PCDHGB7: variants seen among roughly 807,000 people sequenced by gnomAD.
PCDHGB7 encodes protocadherin gamma-B7.
In PCDHGB7, 37 loss-of-function variants were observed where a neutral mutation model predicts 61.4. The observed-to-expected ratio is 0.60, with a 90% CI of 0.46 to 0.79. The LOEUF is 0.79. Ranked by LOEUF, PCDHGB7 falls within the 30% of genes least tolerant of loss-of-function variation. The pLI is 0.00. For missense variants in PCDHGB7, 1,166 were observed against 1,202.5 expected, an observed-to-expected ratio of 0.97 and a Z score of 0.45; for synonymous variants, 464 against 503.5, an observed-to-expected ratio of 0.92 and a Z score of 1.05.
intron 1 of PCDHGB7, chr5:141,478,636 T>G: frequency 1.3e-6 from 2 of 1,552,744 alleles, no homozygotes; most frequent in South Asian, 2.4e-5. Flanking sequence ...TTTTTAGTGA[T>G]GAAGATGTTT....
chr5:141,457,149 G>A (rs1016628234), intron 1 of PCDHGB7, among the ~76,000 whole-genome samples: 6 of 152,180 alleles, frequency 3.9e-5, no homozygotes, highest in African/African-American at 1.4e-4. Flanking sequence ...TCAGTTAGAA[G>A]GTGCTACCAT....
chr5:141,494,782 C>T, intron 1 of PCDHGB7, 25 bp from the exon 2 acceptor site: 1 of 1,614,110 alleles, frequency 6.2e-7, no homozygotes. Context: ...GGTACTCAGC[C>T]CCTTTCCCTC....
chr5:141,438,627 T>TATAC (rs2098031123), intron 1 of PCDHGB7, among the ~76,000 whole-genome samples: 4 of 48,012 alleles, frequency 8.3e-5, no homozygotes, highest in Admixed American at 6.2e-4. Flanking sequence ...TATATATATA[T>TATAC]ATATATATAC....
At chr5:141,508,983 C>T (rs532410967) in intron 3 of PCDHGB7, among the ~76,000 whole-genome samples, 44 of 152,148 alleles carry the variant, frequency 2.9e-4, no homozygotes, top group Non-Finnish European at 4.4e-4. Flanking sequence ...GGGGTGGGGG[C>T]CAGCTGGGGT....
At chr5:141,505,977 G>A (rs944259753) in intron 3 of PCDHGB7, among the ~76,000 whole-genome samples, 1 of 152,150 alleles carries the variant, frequency 6.6e-6, no homozygotes, top group East Asian at 1.9e-4. Flanking sequence ...CCAGCCGAGA[G>A]AACACCTCCT....
chr5:141,423,184 C>G (rs747938944), intron 1 of PCDHGB7: 3 of 1,613,560 alleles, frequency 1.9e-6, no homozygotes, highest in Non-Finnish European at 2.5e-6. Context: ...CCACGGCCAG[C>G]CCCCTCTCTC....
chr5:141,432,715 C>T lies in PCDHGB7; in HGVS notation c.2415+12441C>T. 1 of 1,613,996 alleles carries T rather than the reference C, an allele frequency of 6.2e-7. No individual in the cohort carries two copies. The highest frequency in any genetic ancestry group is 8.5e-7 in the Non-Finnish European group (1 of 1,179,970). ...TGGCCGTCCAGGACCACGGCCAGCC[C>T]CCTCTCTCCGCCACTGTCACGCTCA... On this transcript the variant is annotated intron_variant, in intron 1 of 3. Transcript: ENST00000398594. This position sits in a 1 kb window ranked among gnomAD's most constrained non-coding sequence, Gnocchi z 6.0.
At chr5:141,445,364 C>T (rs1374418361) in intron 1 of PCDHGB7, among the ~76,000 whole-genome samples, 1 of 152,158 alleles carries the variant, frequency 6.6e-6, no homozygotes, top group African/African-American at 2.4e-5. Flanking sequence ...CAAGTCTGGT[C>T]CTGGGTGGTT....
Position 141,431,132 on chromosome 5 carries a change from G to A in PCDHGB7, c.2415+10858G>A. On this transcript the variant is annotated intron_variant, in intron 1 of 3. Coordinates refer to ENST00000398594, the MANE Select transcript of PCDHGB7 (RefSeq NM_018927.4). This position sits in a 1 kb window ranked among gnomAD's most constrained non-coding sequence, Gnocchi z 4.8. ...ATATGGAGTAGAAGTAGAAGTAAGGGACATTAACGACAATGCGCCTTACTT... is the reference window on the plus strand; with the variant it reads ...ATATGGAGTAGAAGTAGAAGTAAGGAACATTAACGACAATGCGCCTTACTT... 2 of 1,614,232 alleles carry A rather than the reference G, an allele frequency of 1.2e-6. No individual in the cohort carries two copies. The highest frequency in any genetic ancestry group is 8.5e-7 in the Non-Finnish European group (1 of 1,180,024).
Position 141,490,157 on chromosome 5 carries a change from G to T in PCDHGB7, c.2416-4650G>T. 1 of 1,614,210 alleles carries T rather than the reference G, an allele frequency of 6.2e-7. No homozygotes were observed. The highest frequency in any genetic ancestry group is 8.5e-7 in the Non-Finnish European group (1 of 1,180,038). On this transcript the variant is annotated intron_variant, in intron 1 of 3. Transcript: ENST00000398594. This position sits in a 1 kb window ranked among gnomAD's most constrained non-coding sequence, Gnocchi z 5.4. ...AGCAGTGGGGCAATCCATGTGTTGGGTCCCATAGACTTTGAGGAGTCACGT... is the reference window on the plus strand; with the variant it reads ...AGCAGTGGGGCAATCCATGTGTTGGTTCCCATAGACTTTGAGGAGTCACGT...
At chr5:141,478,528 G>A (rs1013766552) in intron 1 of PCDHGB7, 1 of 1,609,730 alleles carries the variant, frequency 6.2e-7, no homozygotes, top group Non-Finnish European at 8.5e-7. Context: ...TGGGTGCAGA[G>A]AGCGCCCCTC....
In PCDHGB7 at chr5:141,494,886, C is replaced by T. The variant is rs1212594477; in HGVS notation, c.2474+21C>T. ...AGCGGGTAGGTGACTGATTCTCCAG[C>T]CCACCCTCTTCTCTGCGGCATTTTC... On this transcript the variant is annotated intron_variant, in intron 2 of 3. Coordinates refer to ENST00000398594, the MANE Select transcript of PCDHGB7 (RefSeq NM_018927.4). 8 of 1,614,010 alleles carry T rather than the reference C, an allele frequency of 5.0e-6. No homozygotes were observed. The Admixed American group carries it at 8.3e-5, about 17-fold the overall frequency.
chr5:141,477,037 G>A lies in PCDHGB7; in HGVS notation c.2416-17770G>A. ...TTGTAACCGGGATGCTGACAATCAAGGGTCGGCTGGACTTCGAGGACACCA... is the reference window on the plus strand; with the variant it reads ...TTGTAACCGGGATGCTGACAATCAAAGGTCGGCTGGACTTCGAGGACACCA... On this transcript the variant is annotated intron_variant, in intron 1 of 3. Coordinates refer to ENST00000398594, the MANE Select transcript of PCDHGB7 (RefSeq NM_018927.4). This position sits in a 1 kb window ranked among gnomAD's most constrained non-coding sequence, Gnocchi z 4.9. 6.2e-7 allele frequency: 1 copy of A among 1,614,266 alleles called. No individual in the cohort carries two copies. The highest frequency in any genetic ancestry group is 8.5e-7 in the Non-Finnish European group (1 of 1,180,052).
chr5:141,422,543 T>C lies in PCDHGB7; in HGVS notation c.2415+2269T>C, dbSNP rs2096655736. 1 of 1,613,882 alleles carries C rather than the reference T, an allele frequency of 6.2e-7. No homozygotes were observed. Among genetic ancestry groups the C allele is most frequent in the African/African-American group, 1.3e-5 (1 of 74,928 alleles). Reference sequence around the variant, plus strand: ...CCGCCTTTGTCTGCAGAAACTCATGTCTGGCTGAATGTGGCAGATGACAAC... The same window carrying C: ...CCGCCTTTGTCTGCAGAAACTCATGCCTGGCTGAATGTGGCAGATGACAAC... On this transcript the variant is annotated intron_variant, in intron 1 of 3. Coordinates refer to ENST00000398594, the MANE Select transcript of PCDHGB7 (RefSeq NM_018927.4).
intron 1 of PCDHGB7, among the ~76,000 whole-genome samples, chr5:141,466,436 G>A (rs181613158): frequency 1.3e-5 from 2 of 152,270 alleles, no homozygotes; most frequent in East Asian, 1.9e-4. Context: ...AAGCTGAACC[G>A]AGATGTCTAT....
At position 141,485,729 on chromosome 5, in the gene PCDHGB7, A is replaced by G. The variant is rs2099618322; in HGVS notation, c.2416-9078A>G. 6.2e-7 allele frequency: 1 copy of G among 1,614,092 alleles called. No individual in the cohort carries two copies. The highest frequency in any genetic ancestry group is 1.1e-5 in the South Asian group (1 of 91,094). ...CTTTGCACTGGATGTGAAGAAGCGCAGCGACGGCAGCCTGGTCCCAGAGCT... is the reference window on the plus strand; with the variant it reads ...CTTTGCACTGGATGTGAAGAAGCGCGGCGACGGCAGCCTGGTCCCAGAGCT... On this transcript the variant is annotated intron_variant, in intron 1 of 3. Coordinates refer to ENST00000398594, the MANE Select transcript of PCDHGB7 (RefSeq NM_018927.4). This position sits in a 1 kb window ranked among gnomAD's most constrained non-coding sequence, Gnocchi z 5.7.
Position 141,494,808 on chromosome 5 carries a change from A to G in PCDHGB7, c.2417A>G (p.Gln806Arg). The G allele has an allele frequency of 1.9e-6, 3 of 1,614,014 alleles. No individual in the cohort carries two copies. Among genetic ancestry groups the G allele is most frequent in the Non-Finnish European group, 2.5e-6 (3 of 1,179,982 alleles). The change falls in exon 2 of 4, where the codon CAA becomes CGA. Residue 806 changes from glutamine to arginine, a missense_variant and splice_region_variant. Gln to Arg is a conservative substitution (Grantham distance 43, BLOSUM62 1). Coordinates refer to ENST00000398594, the MANE Select transcript of PCDHGB7 (RefSeq NM_018927.4). ...CCTTTCCCTCTGTTTTCTCCACAGC[A>G]AGCCCCGCCCAACACGGACTGGCGT... ...VEADKKILKQ[Q>R]APPNTDWRFS...
chr5:141,418,973 C>T lies in PCDHGB7; in HGVS notation c.1114C>T (p.Arg372Trp). 3.1e-6 allele frequency: 5 copies of T among 1,613,916 alleles called. No homozygotes were observed. Among genetic ancestry groups the T allele is most frequent in the Non-Finnish European group, 3.4e-6 (4 of 1,179,862 alleles). Reference sequence around the variant, plus strand: ...AGTGGTTGTTGCCCTCTTCAAAACACGGGACCAAGACTCAGGGGAAAATGG... The same window carrying T: ...AGTGGTTGTTGCCCTCTTCAAAACATGGGACCAAGACTCAGGGGAAAATGG... The part of the protein sequence containing the change: ...PGVVVALFKT[R>W]DQDSGENGEV... The change falls in exon 1 of 4, where the codon CGG becomes TGG. Residue 372 changes from arginine to tryptophan, a missense_variant. Physicochemically the swap from Arg to Trp is moderately radical, Grantham distance 101 (BLOSUM62 -3). Coordinates refer to ENST00000398594, the MANE Select transcript of PCDHGB7 (RefSeq NM_018927.4).
Position 141,476,301 on chromosome 5 carries a change from C to T in PCDHGB7, c.2416-18506C>T. On this transcript the variant is annotated intron_variant, in intron 1 of 3. Transcript: ENST00000398594. The surrounding 1 kb of genome is among the most constrained non-coding windows in gnomAD (Gnocchi z 7.6). ...CTTGGTTTGGATCTCGGTAGCCTCT[C>T]AGCCCGCAGGTTCCGGGTGGTGTCT... is the stretch of plus-strand genomic sequence containing the variant. The T allele has an allele frequency of 1.9e-6, 3 of 1,613,778 alleles. No homozygotes were observed. The highest frequency in any genetic ancestry group is 2.5e-6 in the Non-Finnish European group (3 of 1,179,908).
Sources: allele counts gnomAD v4.1 joint callset (sites outside exome capture counted in the v4.1 genomes callset), GRCh38; gene constraint gnomAD v4.1.1; non-coding constraint Gnocchi (gnomAD v3.1); transcripts MANE v1.5; gene names NCBI Gene and HGNC (gene_info 2026-07-23, HGNC 2026-07-21).